Variants in CTXND1 observed in about 807,000 individuals in gnomAD.
CTXND1 encodes cortexin domain-containing 1 protein.
chr15:80,205,560 T>A (rs1040202827), intron 1 of CTXND1, among the ~76,000 whole-genome samples: 8 of 152,142 alleles, frequency 5.3e-5, no homozygotes, highest in Admixed American at 4.6e-4. Context: ...ACCCTCCCAG[T>A]CTTAAAACTT....
chr15:80,236,245 C>CT (rs1304165865), intron 1 of CTXND1, among the ~76,000 whole-genome samples: 3 of 151,944 alleles, frequency 2.0e-5, no homozygotes, highest in Non-Finnish European at 2.9e-5. Context: ...ATGGTTTCTA[C>CT]TTTTTTTAAT....
chr15:80,248,342 G>A (rs1186011833), intron 1 of CTXND1, among the ~76,000 whole-genome samples: 2 of 152,186 alleles, frequency 1.3e-5, no homozygotes, highest in Admixed American at 6.5e-5. Context: ...GCCTGCACAG[G>A]GGTCATTTCT....
In CTXND1 at chr15:80,204,877, C is replaced by T. The variant is rs550876286; in HGVS notation, c.-217-1137G>A. Reference sequence around the variant, plus strand: ...TTAACTTTTTGAGGATTAAATTGAACATTTTGCGTAATTAATAGTTGTACA... The same window carrying T: ...TTAACTTTTTGAGGATTAAATTGAATATTTTGCGTAATTAATAGTTGTACA... On this transcript the variant is annotated intron_variant, in intron 1 of 2. Coordinates refer to ENST00000560778, the MANE Select transcript of CTXND1 (RefSeq NM_001352888.2). Among the ~76,000 whole-genome samples, 8 of 152,154 alleles carry T rather than the reference C, an allele frequency of 5.3e-5. No individual in the cohort carries two copies. The East Asian group carries it at 9.7e-4, about 18-fold the overall frequency.
chr15:80,240,270 T>C (rs1238475703), intron 1 of CTXND1, among the ~76,000 whole-genome samples: 1 of 151,628 alleles, frequency 6.6e-6, no homozygotes, highest in African/African-American at 2.4e-5. Context: ...CCACCTATAT[T>C]ACTTTATTAA....
rs115881832 is a variant in CTXND1 at position 80,209,580 on chromosome 15, G to T, written c.-217-5840C>A. Among the ~76,000 whole-genome samples, 1,295 of 152,344 alleles carry T rather than the reference G, an allele frequency of 8.5e-3. 22 individuals are homozygous for T. Among genetic ancestry groups the T allele is most frequent in the African/African-American group, 0.03 (1,229 of 41,576 alleles). ...CCAGTGTACTTGTCAAAGCGTGAAG[G>T]TGTAAGGTTGGGTTGTAGCAGATCC... On this transcript the variant is annotated intron_variant, in intron 1 of 2. Transcript: ENST00000560778.
chr15:80,213,562 A>G (rs577089882), intron 1 of CTXND1, among the ~76,000 whole-genome samples: 1 of 152,242 alleles, frequency 6.6e-6, no homozygotes, highest in Non-Finnish European at 1.5e-5. Context: ...CCACAGAAGC[A>G]GAGACTGTAA....
chr15:80,196,427 AGGGGCTATGGAAT>A lies in CTXND1; in HGVS notation c.*5330_*5342del, dbSNP rs1228104503. On this transcript the variant is annotated 3_prime_UTR_variant, in exon 3 of 3. Transcript: ENST00000560778. The stretch of plus-strand genomic sequence containing the variant: ...CAGCTAAGGGACTGCCAGAAAGTAG[AGGGGCTATGGAAT>A]GGGTGGTGGGAGAACAAGACTGCAG... The A allele has an allele frequency of 2.6e-5, 4 of 152,158 alleles. No homozygotes were observed. Among genetic ancestry groups the A allele is most frequent in the African/African-American group, 7.2e-5 (3 of 41,406 alleles). 9.4% of individuals were successfully genotyped at this position (152,158 alleles called of 1,614,324 possible). A position where few individuals can be genotyped will look rare whatever the true frequency, so the allele number is the denominator to read the frequency against.
At chr15:80,209,073 A>C (rs1893179027) in intron 1 of CTXND1, among the ~76,000 whole-genome samples, 1 of 152,170 alleles carries the variant, frequency 6.6e-6, no homozygotes, top group Non-Finnish European at 1.5e-5. Flanking sequence ...TCTCACAGGG[A>C]TCACCTTGTG....
At chr15:80,225,038 C>T (rs981610333) in intron 1 of CTXND1, among the ~76,000 whole-genome samples, 8 of 152,260 alleles carry the variant, frequency 5.3e-5, no homozygotes, top group South Asian at 2.1e-4. Context: ...ACACCATGCC[C>T]GGCCTTCTGA....
intron 1 of CTXND1, among the ~76,000 whole-genome samples, chr15:80,211,285 G>C (rs1410133488): frequency 6.6e-6 from 1 of 152,214 alleles, no homozygotes; most frequent in South Asian, 2.1e-4. Flanking sequence ...ACGCTGCAGC[G>C]ACATTATAAA....
At chr15:80,205,287 T>C (rs59378623) in intron 1 of CTXND1, among the ~76,000 whole-genome samples, 14 of 152,366 alleles carry the variant, frequency 9.2e-5, no homozygotes, top group African/African-American at 2.9e-4. Flanking sequence ...TTGTTTTTCA[T>C]GTATTGATGG....
At chr15:80,220,126 CTATCTATCTATCTATCTATCATCTATCT>C (rs1455428044) in intron 1 of CTXND1, among the ~76,000 whole-genome samples, 9 of 112,416 alleles carry the variant, frequency 8.0e-5, no homozygotes, top group Non-Finnish European at 1.5e-4. Flanking sequence ...ATCTATCTAT[CTATCTATCTATCTATCTATCATCTATCT>C]ATCTATCTAT....
chr15:80,228,863 C>T (rs896608038), intron 1 of CTXND1, among the ~76,000 whole-genome samples: 4 of 152,024 alleles, frequency 2.6e-5, no homozygotes, highest in African/African-American at 7.2e-5. Flanking sequence ...CTCCTGACCT[C>T]GTGATCCACC....
intron 1 of CTXND1, among the ~76,000 whole-genome samples, chr15:80,211,516 C>T (rs1017065383): frequency 3.9e-5 from 6 of 152,250 alleles, no homozygotes; most frequent in East Asian, 1.9e-4. Context: ...TGGCCTCACT[C>T]CTCTACCAGA....
In CTXND1 at chr15:80,199,682, G is replaced by A. The variant is rs993354802; in HGVS notation, c.*2088C>T. ...GTCCCTTCGTGCATTCCACAATAGT[G>A]GGGATAGGGGTGGGTAGGAGAGGGG... is the stretch of plus-strand genomic sequence containing the variant. On this transcript the variant is annotated 3_prime_UTR_variant, in exon 3 of 3. Coordinates refer to ENST00000560778, the MANE Select transcript of CTXND1 (RefSeq NM_001352888.2). 6 of 152,338 alleles carry A rather than the reference G, an allele frequency of 3.9e-5. No homozygotes were observed. The highest frequency in any genetic ancestry group is 1.4e-4 in the African/African-American group (6 of 41,448). 9.4% of individuals were successfully genotyped at this position (152,338 alleles called of 1,614,324 possible).
chr15:80,244,784 G>A (rs915091328), intron 1 of CTXND1, among the ~76,000 whole-genome samples: 4 of 152,310 alleles, frequency 2.6e-5, no homozygotes, highest in Non-Finnish European at 5.9e-5. Flanking sequence ...CTTTCCCACA[G>A]AGAAGGGCAA....
intron 1 of CTXND1, among the ~76,000 whole-genome samples, chr15:80,245,379 A>C (rs903571088): frequency 6.6e-6 from 1 of 152,122 alleles, no homozygotes; most frequent in Non-Finnish European, 1.5e-5. Flanking sequence ...ACAATCATTT[A>C]TTTTGCTTAC....
At chr15:80,223,189 C>T (rs1893335903) in intron 1 of CTXND1, among the ~76,000 whole-genome samples, 1 of 152,132 alleles carries the variant, frequency 6.6e-6, no homozygotes, top group Non-Finnish European at 1.5e-5. Context: ...AGCGATTCTC[C>T]AGATTATAGG....
At position 80,231,793 on chromosome 15, in the gene CTXND1, T is replaced by A. The variant is rs185563221; in HGVS notation, c.-218+20214A>T. On this transcript the variant is annotated intron_variant, in intron 1 of 2. Coordinates refer to ENST00000560778, the MANE Select transcript of CTXND1 (RefSeq NM_001352888.2). The stretch of plus-strand genomic sequence containing the variant: ...AAGCATATTAACTTTTATTAAAAAA[T>A]TTTCCATCTTACAAAAAGAGAAAAG... 6.1e-4 allele frequency among the ~76,000 whole-genome samples: 93 copies of A among 152,258 alleles called. 1 individual carries two copies. Among genetic ancestry groups the A allele is most frequent in the African/African-American group, 2.1e-3 (88 of 41,536 alleles).
Sources: gnomAD v4.1 joint callset for allele counts (sites outside exome capture counted in the v4.1 genomes callset) on GRCh38, gnomAD v4.1.1 for gene constraint, MANE v1.5 for transcripts, NCBI Gene and HGNC (gene_info 2026-07-23, HGNC 2026-07-21) for gene names.